Variants in ATL1 observed in about 807,000 individuals in gnomAD.
ATL1 encodes the protein atlastin-1.
A neutral mutation model predicts 75.5 loss-of-function variants in ATL1; 31 were observed. The ratio of observed to expected loss-of-function variants is 0.41; its 90% CI spans 0.31 to 0.55. ATL1 has a LOEUF of 0.55. Among genes scored for constraint, ATL1 ranks in the 20% least tolerant of loss-of-function variants. The pLI is 0.27. For synonymous variants in ATL1, 226 were observed against 233.3 expected, an observed-to-expected ratio of 0.97 and a Z score of 0.28; for missense variants, 405 against 662.6, an observed-to-expected ratio of 0.61 and a Z score of 4.27.
rs2038984707 is a variant in ATL1 at position 50,574,717 on chromosome 14, C to T, written c.35-13114C>T. 2.0e-5 allele frequency among the ~76,000 whole-genome samples: 3 copies of T among 151,744 alleles called. No homozygotes were observed. The South Asian group carries it at 6.2e-4, about 31-fold the overall frequency. On this transcript the variant is annotated intron_variant, in intron 1 of 13. Transcript: ENST00000358385. Reference sequence around the variant, plus strand: ...TTTTCTATACCATGATTTCAAATGGCTCCATATCTTGTATAATAGAGCTGT... The same window carrying T: ...TTTTCTATACCATGATTTCAAATGGTTCCATATCTTGTATAATAGAGCTGT...
chr14:50,561,756 G>C (rs1377152157), intron 1 of ATL1, among the ~76,000 whole-genome samples: 1 of 152,134 alleles, frequency 6.6e-6, no homozygotes, highest in Non-Finnish European at 1.5e-5. Context: ...TGAAACTTCA[G>C]TTTTAACAGA....
At chr14:50,533,758 T>C (rs2079274167) in intron 1 of ATL1, among the ~76,000 whole-genome samples, 2 of 152,088 alleles carry the variant, frequency 1.3e-5, no homozygotes, top group Admixed American at 1.3e-4. Flanking sequence ...ATTAAAATAC[T>C]CCTTATTGTT....
intron 1 of ATL1, among the ~76,000 whole-genome samples, chr14:50,578,548 A>G (rs2039027721): frequency 6.6e-6 from 1 of 152,146 alleles, no homozygotes; most frequent in Admixed American, 6.5e-5. Flanking sequence ...TGCTCCATGC[A>G]TATTGTACTA....
chr14:50,602,954 G>A (rs1359552649), intron 6 of ATL1, among the ~76,000 whole-genome samples: 1 of 152,082 alleles, frequency 6.6e-6, no homozygotes, highest in African/African-American at 2.4e-5. Flanking sequence ...TCATTCTCAA[G>A]CACATATTTG....
chr14:50,540,486 G>A (rs915875630), intron 1 of ATL1, among the ~76,000 whole-genome samples: 1 of 152,052 alleles, frequency 6.6e-6, no homozygotes, highest in South Asian at 2.1e-4. Flanking sequence ...AGGTATAAAC[G>A]GTGACTTTTC....
chr14:50,570,421 G>A (rs1026594831), intron 1 of ATL1, among the ~76,000 whole-genome samples: 2 of 151,902 alleles, frequency 1.3e-5, no homozygotes, highest in Admixed American at 6.6e-5. Context: ...TGTTGCCCAG[G>A]CTAGAGTGTA....
intron 11 of ATL1, among the ~76,000 whole-genome samples, chr14:50,627,242 TAA>T (rs1018210214): frequency 6.6e-6 from 1 of 152,236 alleles, no homozygotes; most frequent in African/African-American, 2.4e-5. Flanking sequence ...TTTTTTGCAA[TAA>T]AGTGTTCTTA....
chr14:50,597,774 A>T (rs1266131658), intron 6 of ATL1, among the ~76,000 whole-genome samples: 2 of 151,998 alleles, frequency 1.3e-5, no homozygotes, highest in Non-Finnish European at 2.9e-5. Context: ...GGCTCACTGC[A>T]AGCTCCACCT....
intron 6 of ATL1, among the ~76,000 whole-genome samples, chr14:50,596,329 G>C (rs548640498): frequency 6.6e-6 from 1 of 151,996 alleles, no homozygotes. Context: ...TTCTAAATTT[G>C]TATGACATAT....
At chr14:50,632,077 T>C in intron 13 of ATL1, 152 bp from the exon 14 acceptor site, 1 of 541,520 alleles carries the variant, frequency 1.8e-6, no homozygotes. Context: ...TGAAAATACT[T>C]TTGAATTTTA....
chr14:50,628,614 A>G (rs1250596902), intron 12 of ATL1, 152 bp downstream of exon 12: 1 of 762,484 alleles, frequency 1.3e-6, no homozygotes, highest in Non-Finnish European at 2.3e-6. Context: ...CAAGCAACTA[A>G]CTATATAATA....
intron 4 of ATL1, among the ~76,000 whole-genome samples, chr14:50,592,159 TAA>T (rs2039164988): frequency 6.6e-6 from 1 of 152,208 alleles, no homozygotes; most frequent in Non-Finnish European, 1.5e-5. Flanking sequence ...TTCACTTTTT[TAA>T]AAGTCTTATT....
At chr14:50,596,073 T>C (rs964663040) in intron 6 of ATL1, among the ~76,000 whole-genome samples, 1 of 152,136 alleles carries the variant, frequency 6.6e-6, no homozygotes, top group Non-Finnish European at 1.5e-5. Context: ...ACATACTAAG[T>C]GAAGGAAAAC....
chr14:50,606,486 G>A (rs2039318169), intron 6 of ATL1, among the ~76,000 whole-genome samples: 1 of 151,832 alleles, frequency 6.6e-6, no homozygotes. Context: ...CTAGGACAGA[G>A]TTGTATGATC....
Position 50,628,106 on chromosome 14 carries a change from G to C in ATL1, c.1195G>C (p.Val399Leu). Residue 399 changes from valine to leucine, a missense_variant, in exon 12 of 14, where the codon GTG becomes CTG. Coordinates refer to ENST00000358385, the MANE Select transcript of ATL1 (RefSeq NM_015915.5). The part of the protein sequence containing the change: ...TKHLQLKEES[V>L]KLFRGVKKMG... ...ACACCTGCAACTTAAGGAAGAATCT[G>C]TGAAGCTATTCCGAGGGGTGAAGAA... 1 of 1,614,200 alleles carries C rather than the reference G, an allele frequency of 6.2e-7. No individual in the cohort carries two copies.
Position 50,591,559 on chromosome 14 carries a change from C to G in ATL1, c.442C>G (p.Gln148Glu). 1 of 1,613,546 alleles carries G rather than the reference C, an allele frequency of 6.2e-7. No individual in the cohort carries two copies. Among genetic ancestry groups the G allele is most frequent in the Non-Finnish European group, 8.5e-7 (1 of 1,179,664 alleles). ...KKVAVLLMDTQGTFDSQSTLR... is the reference protein window; with the variant it reads ...KKVAVLLMDTEGTFDSQSTLR... ...GGTTGCAGTGTTATTGATGGATACT[C>G]AGGGAACCTTTGATAGTCAGTCAAC... The change falls in exon 4 of 14, where the codon CAG (glutamine) becomes GAG (glutamate). Residue 148 changes from glutamine (Q) to glutamate (E), a missense_variant. Physicochemically the swap from Gln to Glu is conservative, Grantham distance 29 (BLOSUM62 2). This residue lies in a region of ATL1 where 126 missense variants were observed against 172.0 expected (regional missense o/e 0.73). Transcript: ENST00000358385.
At chr14:50,547,135 A>G (rs1046558820) in intron 1 of ATL1, among the ~76,000 whole-genome samples, 1 of 152,228 alleles carries the variant, frequency 6.6e-6, no homozygotes, top group African/African-American at 2.4e-5. Flanking sequence ...AATGGTTAAC[A>G]GGAAAATAAG....
At chr14:50,546,998 C>A (rs923324780) in intron 1 of ATL1, among the ~76,000 whole-genome samples, 2 of 152,066 alleles carry the variant, frequency 1.3e-5, no homozygotes, top group Admixed American at 6.5e-5. Context: ...GCCCCCCACC[C>A]CCCAACAGGC....
At chr14:50,614,259 G>A (rs770124315) in intron 7 of ATL1, 114 bp from the exon 8 acceptor site, 167 of 1,164,532 alleles carry the variant, frequency 1.4e-4, no homozygotes, top group African/African-American at 5.3e-4. Context: ...CAGCCCTGTC[G>A]TGTCATTTTC....
Sources: gnomAD v4.1 joint callset for allele counts (sites outside exome capture counted in the v4.1 genomes callset) on GRCh38, gnomAD v4.1.1 for gene constraint, gnomAD v4.1.1 regional missense constraint, MANE v1.5 for transcripts, NCBI Gene and HGNC (gene_info 2026-07-23, HGNC 2026-07-21) for gene names.